The following RETREG1 variants were observed in gnomAD, a reference collection of about 807,000 sequenced individuals.
RETREG1 encodes the protein family with sequence similarity 134 member B.
Under a neutral mutation model 54.8 loss-of-function variants are expected in RETREG1, and 44 were observed. That is an observed-to-expected ratio of 0.80 (90% confidence interval 0.63 to 1.03). The LOEUF (loss-of-function observed/expected upper bound fraction) is 1.03, where lower values mean the gene tolerates loss of function less well. Among genes scored for constraint, RETREG1 ranks in the 50% least tolerant of loss-of-function variants. The pLI is 0.00. For missense variants in RETREG1, 554 were observed against 605.1 expected (o/e 0.92, Z 0.89); for synonymous variants, 217 against 238.5 (o/e 0.91, Z 0.83).
chr5:16,510,289 T>A (rs1055530120), intron 3 of RETREG1, among the ~76,000 whole-genome samples: 2 of 152,128 alleles, frequency 1.3e-5, no homozygotes, highest in Non-Finnish European at 2.9e-5. Flanking sequence ...AAGTCTAAGA[T>A]GAACTGGGTG....
rs547733783 is a variant in RETREG1, at chr5:16,589,351, T to A, written c.321-17249A>T. Among the ~76,000 whole-genome samples the A allele has an allele frequency of 9.9e-5, 15 of 151,750 alleles. No individual in the cohort carries two copies. The South Asian group carries it at 3.1e-3, about 32-fold the overall frequency. On this transcript the variant is annotated intron_variant, in intron 1 of 8. Coordinates refer to ENST00000306320, the MANE Select transcript of RETREG1 (RefSeq NM_001034850.3). ...TTTTCAAAAAGGAGTTTGTAGTGTATCCAATGCATGTCTTTCTTTTTTGTT... is the reference window on the plus strand; with the variant it reads ...TTTTCAAAAAGGAGTTTGTAGTGTAACCAATGCATGTCTTTCTTTTTTGTT...
intron 1 of RETREG1, among the ~76,000 whole-genome samples, chr5:16,604,696 C>T (rs1050217723): frequency 1.6e-4 from 24 of 152,136 alleles, no homozygotes; most frequent in African/African-American, 5.1e-4. Flanking sequence ...CTAGGATTAC[C>T]GTCAGGAGCG....
At chr5:16,510,836 A>AAACAAAC (rs1561097293) in intron 3 of RETREG1, among the ~76,000 whole-genome samples, 3 of 151,412 alleles carry the variant, frequency 2.0e-5, no homozygotes, top group African/African-American at 7.3e-5. Flanking sequence ...AAAAAAAAAA[A>AAACAAAC]AAAAAACCTA....
At position 16,473,447 on chromosome 5, in the gene RETREG1, C is replaced by T. The variant is rs1033315902; in HGVS notation, c.*1294G>A. 3.9e-5 allele frequency: 6 copies of T among 152,554 alleles called. No individual in the cohort carries two copies. The highest frequency in any genetic ancestry group is 7.4e-5 in the Non-Finnish European group (5 of 68,004). 9.5% of individuals were successfully genotyped at this position (152,554 alleles called of 1,614,324 possible). On this transcript the variant is annotated 3_prime_UTR_variant, in exon 9 of 9. Coordinates refer to ENST00000306320, the MANE Select transcript of RETREG1 (RefSeq NM_001034850.3). Reference sequence around the variant, plus strand: ...GGGATAAAATGAAAGGAAGAGAACACAGATTTCCTATATTCTTGGATTATC... The same window carrying T: ...GGGATAAAATGAAAGGAAGAGAACATAGATTTCCTATATTCTTGGATTATC...
At position 16,568,190 on chromosome 5, in the gene RETREG1, C is replaced by T. The variant is rs370841052; in HGVS notation, c.428-2397G>A. Among the ~76,000 whole-genome samples the T allele has an allele frequency of 2.8e-3, 427 of 151,784 alleles. 2 individuals carry two copies. Among genetic ancestry groups the T allele is most frequent in the Middle Eastern group, 0.014 (4 of 290 alleles). ...AGGGAGAGAGAGAAATCCATCCCAG[C>T]GAGAGGATGTTCACAGGCAATACAA... is the stretch of plus-strand genomic sequence containing the variant. On this transcript the variant is annotated intron_variant, in intron 2 of 8. Transcript: ENST00000306320.
At chr5:16,495,500 G>C (rs1266968947) in intron 3 of RETREG1, among the ~76,000 whole-genome samples, 1 of 152,166 alleles carries the variant, frequency 6.6e-6, no homozygotes, top group Non-Finnish European at 1.5e-5. Flanking sequence ...ACAGCCTTGG[G>C]ACACTGCTCC....
At chr5:16,515,284 G>A (rs970739586) in intron 3 of RETREG1, among the ~76,000 whole-genome samples, 5 of 152,132 alleles carry the variant, frequency 3.3e-5, no homozygotes, top group African/African-American at 1.2e-4. Flanking sequence ...CAAGTGCAAA[G>A]AATCCATCAC....
intron 2 of RETREG1, 145 bp from the exon 3 acceptor site, chr5:16,565,938 A>T: frequency 1.2e-6 from 1 of 844,210 alleles, no homozygotes; most frequent in South Asian, 1.5e-5. Flanking sequence ...TACAGTGTAC[A>T]CTGCTGGCAC....
intron 3 of RETREG1, among the ~76,000 whole-genome samples, chr5:16,558,731 C>G (rs1216294443): frequency 1.3e-5 from 2 of 152,208 alleles, no homozygotes; most frequent in South Asian, 2.1e-4. Context: ...CTAGTAGTTA[C>G]AACACATGAA....
chr5:16,532,018 C>G lies in RETREG1; in HGVS notation c.458+33745G>C, dbSNP rs529834448. 6.0e-4 allele frequency among the ~76,000 whole-genome samples: 92 copies of G among 152,124 alleles called. 1 individual carries two copies. The highest frequency in any genetic ancestry group is 2.0e-4 in the Admixed American group (3 of 15,274). On this transcript the variant is annotated intron_variant, in intron 3 of 8. Transcript: ENST00000306320. ...CTGGAATAGAGAAAATGGAAATGGACCCATTATCTCCTTGGCCTTGGAAAC... is the reference window on the plus strand; with the variant it reads ...CTGGAATAGAGAAAATGGAAATGGAGCCATTATCTCCTTGGCCTTGGAAAC...
At chr5:16,564,896 G>A (rs547374299) in intron 3 of RETREG1, among the ~76,000 whole-genome samples, 1 of 152,136 alleles carries the variant, frequency 6.6e-6, no homozygotes, top group African/African-American at 2.4e-5. Flanking sequence ...ATAAAATACA[G>A]GGTGATTTTT....
At chr5:16,517,704 A>AC (rs568843535) in intron 3 of RETREG1, among the ~76,000 whole-genome samples, 5 of 152,108 alleles carry the variant, frequency 3.3e-5, no homozygotes, top group African/African-American at 9.6e-5. Flanking sequence ...TTGATCAAGC[A>AC]CCCCCAGCAG....
chr5:16,478,782 A>C (rs1738642468), intron 6 of RETREG1, 68 bp downstream of exon 6: 10 of 1,455,238 alleles, frequency 6.9e-6, no homozygotes, highest in African/African-American at 1.4e-5. Context: ...TGTATTAAAG[A>C]ATTTCCTAAA....
chr5:16,610,247 G>T (rs371215397), intron 1 of RETREG1, among the ~76,000 whole-genome samples: 3 of 152,196 alleles, frequency 2.0e-5, no homozygotes, highest in African/African-American at 7.2e-5. Flanking sequence ...TGAGACGCCT[G>T]AAAAGTCAGA....
intron 3 of RETREG1, among the ~76,000 whole-genome samples, chr5:16,508,420 C>T (rs892484790): frequency 1.3e-5 from 2 of 152,116 alleles, no homozygotes; most frequent in Non-Finnish European, 2.9e-5. Flanking sequence ...TGAGTGAGTT[C>T]GTGCCAAAGA....
chr5:16,519,306 T>C (rs1463669779), intron 3 of RETREG1, among the ~76,000 whole-genome samples: 1 of 152,178 alleles, frequency 6.6e-6, no homozygotes, highest in African/African-American at 2.4e-5. Context: ...AAGTAAAAGA[T>C]ACAACAACCA....
At chr5:16,521,976 C>A (rs1286611631) in intron 3 of RETREG1, among the ~76,000 whole-genome samples, 10 of 152,174 alleles carry the variant, frequency 6.6e-5, no homozygotes, top group Admixed American at 6.5e-4. Flanking sequence ...CACTCTTTGC[C>A]ACGTACCATC....
chr5:16,585,651 TGA>T lies in RETREG1; in HGVS notation c.321-13551_321-13550del, dbSNP rs1390504689. On this transcript the variant is annotated intron_variant, in intron 1 of 8. Transcript: ENST00000306320. This position sits in a 1 kb window ranked among gnomAD's most constrained non-coding sequence, Gnocchi z 4.5. ...TCTTGCATTGCCCTAAAGAAATACC[TGA>T]GACTGGGTAATTTATAAAGAAAAGA... Among the ~76,000 whole-genome samples the T allele has an allele frequency of 2.6e-5, 4 of 152,156 alleles. No individual in the cohort carries two copies. Among genetic ancestry groups the T allele is most frequent in the Non-Finnish European group, 4.4e-5 (3 of 68,028 alleles).
intron 1 of RETREG1, among the ~76,000 whole-genome samples, chr5:16,584,188 A>T (rs1279077728): frequency 6.6e-6 from 1 of 152,190 alleles, no homozygotes; most frequent in Non-Finnish European, 1.5e-5. Context: ...TGGGTAGTGC[A>T]CACAGCTCCA....
Sources: gnomAD v4.1 joint callset for allele counts (sites outside exome capture counted in the v4.1 genomes callset) on GRCh38, gnomAD v4.1.1 for gene constraint, Gnocchi (gnomAD v3.1) non-coding constraint, MANE v1.5 for transcripts, NCBI Gene and HGNC (gene_info 2026-07-23, HGNC 2026-07-21) for gene names.